The following PTPRN2 variants were observed in gnomAD, a reference collection of about 807,000 sequenced individuals.
PTPRN2 encodes protein tyrosine phosphatase receptor type N2.
A neutral mutation model predicts 118.8 loss-of-function variants in PTPRN2; 74 were observed. The ratio of observed to expected loss-of-function variants is 0.62; its 90% CI spans 0.52 to 0.76. The LOEUF (loss-of-function observed/expected upper bound fraction) is 0.76. Ranked by LOEUF, PTPRN2 falls within the 30% of genes least tolerant of loss-of-function variation. PTPRN2 has a pLI of 0.00. For missense variants in PTPRN2, 1,481 were observed against 1,394.4 expected, an observed-to-expected ratio of 1.06 and a Z score of -0.99; for synonymous variants, 641 against 608.0, an observed-to-expected ratio of 1.05 and a Z score of -0.80.
At chr7:158,504,118 T>C (rs879488472) in intron 1 of PTPRN2, among the ~76,000 whole-genome samples, 5 of 152,138 alleles carry the variant, frequency 3.3e-5, no homozygotes, top group Non-Finnish European at 7.4e-5. Flanking sequence ...ATAAATTCCT[T>C]GTTAATATTT....
chr7:158,405,499 C>T (rs1485911375), intron 2 of PTPRN2, among the ~76,000 whole-genome samples: 7 of 152,194 alleles, frequency 4.6e-5, no homozygotes, highest in Non-Finnish European at 1.0e-4. Context: ...CTGCAGCGTC[C>T]GACCGTCTCT....
At chr7:157,921,874 GA>G (rs1798709132) in intron 11 of PTPRN2, among the ~76,000 whole-genome samples, 1 of 152,312 alleles carries the variant, frequency 6.6e-6, no homozygotes, top group African/African-American at 2.4e-5. Flanking sequence ...GTAAACCATG[GA>G]ATGAATGTGG....
intron 11 of PTPRN2, chr7:158,031,219 T>G (rs935021427): frequency 6.6e-6 from 1 of 152,222 alleles, no homozygotes; most frequent in Non-Finnish European, 1.5e-5. Flanking sequence ...TCTGGAAGAC[T>G]GTGTGATCTG....
rs1211488025 is a variant in PTPRN2 at position 157,986,012 on chromosome 7, C to T, written c.1724-87275G>A. Among the ~76,000 whole-genome samples, 2 of 152,190 alleles carry T rather than the reference C, an allele frequency of 1.3e-5. No individual in the cohort carries two copies. The highest frequency in any genetic ancestry group is 2.9e-5 in the Non-Finnish European group (2 of 68,040). The stretch of plus-strand genomic sequence containing the variant: ...TGAAATGCTTGGGGTTGAAATGTAA[C>T]GAATCTCTCACTACTGACAAGAGAA... On this transcript the variant is annotated intron_variant, in intron 11 of 22. Coordinates refer to ENST00000389418, the MANE Select transcript of PTPRN2 (RefSeq NM_002847.5). This position sits in a 1 kb window ranked among gnomAD's most constrained non-coding sequence, Gnocchi z 4.5.
At chr7:158,429,933 A>C (rs1391658366) in intron 2 of PTPRN2, among the ~76,000 whole-genome samples, 1 of 152,070 alleles carries the variant, frequency 6.6e-6, no homozygotes, top group East Asian at 1.9e-4. Context: ...TTTGAGATGG[A>C]GTCTCGCTCT....
At chr7:157,882,387 A>T (rs1301357600) in intron 12 of PTPRN2, among the ~76,000 whole-genome samples, 1 of 151,498 alleles carries the variant, frequency 6.6e-6, no homozygotes, top group Non-Finnish European at 1.5e-5. Flanking sequence ...ACTATCAGAG[A>T]CCAGAATACA....
rs572019306 is a variant in PTPRN2, at chr7:157,813,607, C to T, written c.1788+85066G>A. 2.6e-5 allele frequency among the ~76,000 whole-genome samples: 4 copies of T among 152,042 alleles called. No homozygotes were observed. Among genetic ancestry groups the T allele is most frequent in the African/African-American group, 4.8e-5 (2 of 41,274 alleles). ...GGACAAGATGCCCACGAATGATAAG[C>T]GCCTTTGCTGCCTCTGGGCGGGTCC... On this transcript the variant is annotated intron_variant, in intron 12 of 22. Coordinates refer to ENST00000389418, the MANE Select transcript of PTPRN2 (RefSeq NM_002847.5). The surrounding 1 kb of genome is among the most constrained non-coding windows in gnomAD (Gnocchi z 4.7).
chr7:158,522,633 G>A (rs745713029), intron 1 of PTPRN2, among the ~76,000 whole-genome samples: 1 of 152,210 alleles, frequency 6.6e-6, no homozygotes, highest in Non-Finnish European at 1.5e-5. Context: ...GCACCTTGCT[G>A]CGGCTAGATG....
At chr7:158,283,150 GA>G (rs1033584153) in intron 3 of PTPRN2, among the ~76,000 whole-genome samples, 12 of 152,160 alleles carry the variant, frequency 7.9e-5, no homozygotes, top group African/African-American at 1.4e-4. Context: ...CAACACGCAT[GA>G]AAAAAAACAC....
At chr7:158,166,267 CGTTCCCTGTCCT>C (rs1822970722) in intron 6 of PTPRN2, among the ~76,000 whole-genome samples, 1 of 109,728 alleles carries the variant, frequency 9.1e-6, no homozygotes, top group East Asian at 2.8e-4. Context: ...CTGGCTGCCG[CGTTCCCTGTCCT>C]CACACCCTCA....
At chr7:157,920,926 A>G (rs1051621351) in intron 11 of PTPRN2, among the ~76,000 whole-genome samples, 1 of 152,246 alleles carries the variant, frequency 6.6e-6, no homozygotes, top group Non-Finnish European at 1.5e-5. Context: ...CTTCATGAAA[A>G]TTAAAAACTG....
chr7:157,901,666 CCT>C (rs572041624), intron 11 of PTPRN2, among the ~76,000 whole-genome samples: 74 of 152,318 alleles, frequency 4.9e-4, no homozygotes, highest in African/African-American at 1.7e-3. Flanking sequence ...CAAACTGTCC[CCT>C]GTGCTGGCAC....
chr7:158,448,400 G>A lies in PTPRN2; in HGVS notation c.163+41335C>T, dbSNP rs13437922. On this transcript the variant is annotated intron_variant, in intron 2 of 22. Transcript: ENST00000389418. ...AAAAAGAGAAGAGATCTGGGGAGGA[G>A]GAGGGAGGTTGGTTTCCACACTGCT... Among the ~76,000 whole-genome samples, 41 of 152,328 alleles carry A rather than the reference G, an allele frequency of 2.7e-4. 2 individuals are homozygous for A. Among genetic ancestry groups the A allele is most frequent in the Admixed American group, 1.1e-3 (17 of 15,302 alleles).
rs769207491 is a variant in PTPRN2 at position 157,674,220 on chromosome 7, C to T, written c.2001+8505G>A. Among the ~76,000 whole-genome samples the T allele has an allele frequency of 2.0e-5, 3 of 152,204 alleles. No individual in the cohort carries two copies. The highest frequency in any genetic ancestry group is 4.8e-5 in the African/African-American group (2 of 41,528). ...CAGAGCAGAGAGCCATGGAGAGCTC[C>T]GGGCCGAAGGGGACTTGGGCCTGGG... On this transcript the variant is annotated intron_variant, in intron 13 of 22. Transcript: ENST00000389418. This position sits in a 1 kb window ranked among gnomAD's most constrained non-coding sequence, Gnocchi z 4.5.
chr7:158,100,404 C>T (rs1316138515), intron 10 of PTPRN2, among the ~76,000 whole-genome samples: 1 of 152,068 alleles, frequency 6.6e-6, no homozygotes, highest in Admixed American at 6.6e-5. Flanking sequence ...ACTTCTTGTC[C>T]TCCAGGTAGA....
intron 2 of PTPRN2, among the ~76,000 whole-genome samples, chr7:158,463,428 CCATCAT>C (rs1399069891): frequency 6.6e-6 from 1 of 151,862 alleles, no homozygotes; most frequent in Non-Finnish European, 1.5e-5. Flanking sequence ...ATCACCATCA[CCATCAT>C]TGTCATCACC....
intron 2 of PTPRN2, among the ~76,000 whole-genome samples, chr7:158,464,674 G>A (rs1229166079): frequency 6.8e-6 from 1 of 147,250 alleles, no homozygotes; most frequent in Non-Finnish European, 1.5e-5. Flanking sequence ...CACCATCATT[G>A]CCATGCCATT....
chr7:158,462,812 G>T (rs892661596), intron 2 of PTPRN2, among the ~76,000 whole-genome samples: 1 of 152,236 alleles, frequency 6.6e-6, no homozygotes, highest in African/African-American at 2.4e-5. Flanking sequence ...CAGGAAAACA[G>T]AGGATGAGTT....
Position 158,525,552 on chromosome 7 carries a change from G to A in PTPRN2, c.113-35767C>T, listed in dbSNP as rs141934426. 4.6e-5 allele frequency among the ~76,000 whole-genome samples: 7 copies of A among 152,320 alleles called. No homozygotes were observed. The highest frequency in any genetic ancestry group is 1.9e-4 in the East Asian group (1 of 5,174). On this transcript the variant is annotated intron_variant, in intron 1 of 22. Coordinates refer to ENST00000389418, the MANE Select transcript of PTPRN2 (RefSeq NM_002847.5). This position sits in a 1 kb window ranked among gnomAD's most constrained non-coding sequence, Gnocchi z 4.1. ...CCAGCCTCCCTGGCCCAGAACAGGC[G>A]CTCACTGTATCTCCTCCCTTCCTCC...
Sources: gnomAD v4.1 joint callset for allele counts (sites outside exome capture counted in the v4.1 genomes callset) on GRCh38, gnomAD v4.1.1 for gene constraint, Gnocchi (gnomAD v3.1) non-coding constraint, MANE v1.5 for transcripts, NCBI Gene and HGNC (gene_info 2026-07-23, HGNC 2026-07-21) for gene names.